The following TRIM33 variants were observed in gnomAD, a reference collection of about 807,000 sequenced individuals.
The protein encoded by TRIM33 is E3 ubiquitin-protein ligase TRIM33.
TRIM33 carries 20 observed loss-of-function variants against 125.4 expected under a neutral mutation model. The ratio of observed to expected loss-of-function variants is 0.16; its 90% CI spans 0.11 to 0.23. TRIM33 has a LOEUF of 0.23. Ranked by LOEUF, TRIM33 falls within the 10% of genes least tolerant of loss-of-function variation. The probability of loss-of-function intolerance (pLI) is 1.00; values close to 1 mark genes in which losing one functional copy is unlikely to be tolerated. For missense variants in TRIM33, 920 were observed against 1,411.4 expected, an observed-to-expected ratio of 0.65 and a Z score of 5.58; for synonymous variants, 564 against 513.9, an observed-to-expected ratio of 1.10 and a Z score of -1.32.
chr1:114,438,470 A>C (rs954655800), intron 4 of TRIM33, among the ~76,000 whole-genome samples: 1 of 152,230 alleles, frequency 6.6e-6, no homozygotes, highest in Non-Finnish European at 1.5e-5. Flanking sequence ...GACTACTGTG[A>C]AGAAAACTCC....
intron 1 of TRIM33, among the ~76,000 whole-genome samples, chr1:114,501,722 T>C (rs1282685151): frequency 6.6e-6 from 1 of 152,172 alleles, no homozygotes; most frequent in Non-Finnish European, 1.5e-5. Flanking sequence ...ATACAGAATT[T>C]GTCAAGAATT....
intron 1 of TRIM33, among the ~76,000 whole-genome samples, chr1:114,499,525 A>G (rs1652585278): frequency 6.6e-6 from 1 of 152,070 alleles, no homozygotes; most frequent in Non-Finnish European, 1.5e-5. Flanking sequence ...ATTGTGTATA[A>G]TTCTGAGAAT....
Position 114,463,551 on chromosome 1 carries a change from A to G in TRIM33, c.651T>C (p.Cys217=). 2 of 1,592,034 alleles carry G rather than the reference A, an allele frequency of 1.3e-6. No homozygotes were observed. The highest frequency in any genetic ancestry group is 1.7e-6 in the Non-Finnish European group (2 of 1,166,410). The change falls in exon 3 of 20, where the codon TGT becomes TGC. Residue 217 remains cysteine (C), a synonymous_variant. Coordinates refer to ENST00000358465, the MANE Select transcript of TRIM33 (RefSeq NM_015906.4). ...CACTTGCATTGTCTTCACAACTAGT[A>G]CATACCTAAAAGAAGAAATAAGCAC... ...SSSDEKSEQV[C]TSCEDNASAV...
chr1:114,508,412 A>G (rs1653132826), intron 1 of TRIM33, among the ~76,000 whole-genome samples: 2 of 152,140 alleles, frequency 1.3e-5, no homozygotes, highest in Non-Finnish European at 1.5e-5. Flanking sequence ...GGTTCCCACA[A>G]GAACACTGAA....
chr1:114,473,225 C>T (rs563859742), intron 1 of TRIM33, among the ~76,000 whole-genome samples: 1 of 151,124 alleles, frequency 6.6e-6, no homozygotes, highest in East Asian at 1.9e-4. Context: ...CCACTATACT[C>T]CAGCCTGGGT....
chr1:114,408,469 C>A (rs138145755), intron 13 of TRIM33, among the ~76,000 whole-genome samples: 1 of 151,766 alleles, frequency 6.6e-6, no homozygotes, highest in Admixed American at 6.6e-5. Flanking sequence ...GAAACAGTCA[C>A]GAGTGAAATG....
At chr1:114,405,209 C>G (rs1652158127) in intron 15 of TRIM33, 1 of 502,870 alleles carries the variant, frequency 2.0e-6, no homozygotes, top group African/African-American at 2.0e-5. Flanking sequence ...ATGAAATCTA[C>G]TCTTTAACAT....
chr1:114,435,877 C>CTTTTTTTTTTTT (rs34327766), intron 4 of TRIM33, among the ~76,000 whole-genome samples: 1 of 73,338 alleles, frequency 1.4e-5, no homozygotes, highest in African/African-American at 6.4e-5. Flanking sequence ...TAGACACCCG[C>CTTTTTTTTTTTT]TTTTTTTTTT....
At position 114,511,202 on chromosome 1, in the gene TRIM33, C is replaced by T; in HGVS notation, c.-126G>A. On this transcript the variant is annotated 5_prime_UTR_variant, in exon 1 of 20. Coordinates refer to ENST00000358465, the MANE Select transcript of TRIM33 (RefSeq NM_015906.4). ...AGCCGAGAGCTAGCGAGAGAGCGAA[C>T]CAACGAGAGCGCGCGCGCACGCGGC... 1.1e-6 allele frequency: 1 copy of T among 928,652 alleles called. No individual in the cohort carries two copies. The highest frequency in any genetic ancestry group is 1.3e-6 in the Non-Finnish European group (1 of 766,256). The allele number at this position is 928,652 out of a possible 1,614,324, so 57.5% of individuals were successfully genotyped here.
At chr1:114,487,242 TAAA>T (rs934574634) in intron 1 of TRIM33, among the ~76,000 whole-genome samples, 1 of 135,580 alleles carries the variant, frequency 7.4e-6, no homozygotes, top group African/African-American at 2.8e-5. Flanking sequence ...TTCTGAAAGA[TAAA>T]GAAAAAAATC....
intron 5 of TRIM33, among the ~76,000 whole-genome samples, chr1:114,432,772 C>T (rs940995925): frequency 4.0e-5 from 6 of 151,690 alleles, no homozygotes; most frequent in African/African-American, 9.7e-5. Context: ...GGCGACAGAC[C>T]GAGACTCCGT....
intron 1 of TRIM33, among the ~76,000 whole-genome samples, chr1:114,492,591 C>T (rs1288968868): frequency 6.6e-6 from 1 of 152,192 alleles, no homozygotes; most frequent in Non-Finnish European, 1.5e-5. Flanking sequence ...CCCTATTCTC[C>T]CTGCAAGCCC....
chr1:114,407,326 T>A (rs774532000), intron 13 of TRIM33, among the ~76,000 whole-genome samples: 1 of 152,252 alleles, frequency 6.6e-6, no homozygotes, highest in African/African-American at 2.4e-5. Context: ...ACACATTTTA[T>A]GGTTTGAAGC....
chr1:114,472,764 T>C (rs920461602), intron 1 of TRIM33, among the ~76,000 whole-genome samples: 1 of 152,068 alleles, frequency 6.6e-6, no homozygotes, highest in Non-Finnish European at 1.5e-5. Flanking sequence ...AGGAAGGCCT[T>C]TGTGGCTCTT....
intron 4 of TRIM33, among the ~76,000 whole-genome samples, chr1:114,460,953 C>G (rs971097518): frequency 7.9e-5 from 12 of 152,004 alleles, no homozygotes; most frequent in Non-Finnish European, 8.8e-5. Flanking sequence ...AAATGCTTCC[C>G]TGAGTTCTGT....
chr1:114,474,199 C>A (rs1378080608), intron 1 of TRIM33, among the ~76,000 whole-genome samples: 1 of 151,926 alleles, frequency 6.6e-6, no homozygotes, highest in Non-Finnish European at 1.5e-5. Context: ...CTGCCCCCAG[C>A]CCAGAAACAC....
At chr1:114,498,580 C>A (rs1393750714) in intron 1 of TRIM33, among the ~76,000 whole-genome samples, 1 of 151,818 alleles carries the variant, frequency 6.6e-6, no homozygotes, top group Non-Finnish European at 1.5e-5. Context: ...CCCAGGGAGG[C>A]AGAGGTTGTA....
At chr1:114,446,712 A>G (rs1208796940) in intron 4 of TRIM33, among the ~76,000 whole-genome samples, 2 of 152,216 alleles carry the variant, frequency 1.3e-5, no homozygotes, top group Non-Finnish European at 2.9e-5. Flanking sequence ...AGATTTAACC[A>G]TATCACAAGT....
intron 1 of TRIM33, among the ~76,000 whole-genome samples, chr1:114,505,654 G>A (rs1016067920): frequency 7.2e-5 from 11 of 152,124 alleles, no homozygotes; most frequent in South Asian, 6.2e-4. Context: ...TGCAACCTCC[G>A]CCTCCAAGAC....
Sources: allele counts gnomAD v4.1 joint callset (sites outside exome capture counted in the v4.1 genomes callset), GRCh38; gene constraint gnomAD v4.1.1; transcripts MANE v1.5; gene names NCBI Gene and HGNC (gene_info 2026-07-23, HGNC 2026-07-21).